Variants in HSD17B3 observed in about 807,000 individuals in gnomAD.
HSD17B3 encodes the protein 17-beta-hydroxysteroid dehydrogenase type 3.
Under a neutral mutation model 41.1 loss-of-function variants are expected in HSD17B3, and 29 were observed. The ratio of observed to expected loss-of-function variants is 0.71; its 90% CI spans 0.53 to 0.96. HSD17B3 has a LOEUF of 0.96. HSD17B3 is among the 40% of genes least tolerant of loss of function. HSD17B3 has a pLI of 0.00. For synonymous variants in HSD17B3, 126 were observed against 145.6 expected (o/e 0.87, Z 0.97); for missense variants, 323 against 374.6 (o/e 0.86, Z 1.14).
At position 96,265,951 on chromosome 9, in the gene HSD17B3, TA is replaced by T. The variant is rs532445492; in HGVS notation, c.202-11009del. On this transcript the variant is annotated intron_variant, in intron 2 of 10. Coordinates refer to ENST00000375263, the MANE Select transcript of HSD17B3 (RefSeq NM_000197.2). ...CTAAGGGCCATGTCTAAACACAGAA[TA>T]GGGGCAGATGATGTTCCTTTGAAAG... Among the ~76,000 whole-genome samples, 29 of 152,260 alleles carry T rather than the reference TA, an allele frequency of 1.9e-4. 2 individuals are homozygous for T. The South Asian group carries it at 6.0e-3, about 32-fold the overall frequency.
Position 96,252,857 on chromosome 9 carries a change from C to T in HSD17B3, c.331G>A (p.Asp111Asn). The T allele has an allele frequency of 2.5e-6, 4 of 1,613,726 alleles. No individual in the cohort carries two copies. The highest frequency in any genetic ancestry group is 3.4e-6 in the Non-Finnish European group (4 of 1,179,678). Residue 111 changes from aspartate (D) to asparagine (N), a missense_variant, in exon 4 of 11, where the codon GAC becomes AAC. Coordinates refer to ENST00000375263, the MANE Select transcript of HSD17B3 (RefSeq NM_000197.2). ...TTTTCTTTAATATGCTCGTAGATGTCATCTTTTGTAAAATCTGCTTGTATA... is the reference window on the plus strand; with the variant it reads ...TTTTCTTTAATATGCTCGTAGATGTTATCTTTTGTAAAATCTGCTTGTATA... Reference protein sequence around the residue: ...KIIQADFTKDDIYEHIKEKLA... With the variant: ...KIIQADFTKDNIYEHIKEKLA...
rs1465743116 is a variant in HSD17B3, at chr9:96,244,471, G to C, written c.607-77C>G. 4.5e-6 allele frequency: 6 copies of C among 1,341,006 alleles called. No homozygotes were observed. In the Admixed American group the frequency reaches 5.0e-5, roughly 11 times the overall value. The allele number at this position is 1,341,006 out of a possible 1,614,324, so 83.1% of individuals were successfully genotyped here. ...GAGCCAACTTCCTCTGACTTCAAGGGGCACTGCAGACACACTACCTGCTAG... is the reference window on the plus strand; with the variant it reads ...GAGCCAACTTCCTCTGACTTCAAGGCGCACTGCAGACACACTACCTGCTAG... On this transcript the variant is annotated intron_variant, in intron 8 of 10. Coordinates refer to ENST00000375263, the MANE Select transcript of HSD17B3 (RefSeq NM_000197.2).
chr9:96,246,932 C>T (rs1159029915), intron 6 of HSD17B3, among the ~76,000 whole-genome samples: 1 of 152,152 alleles, frequency 6.6e-6, no homozygotes, highest in Non-Finnish European at 1.5e-5. Context: ...ACTCTTCATT[C>T]TGTGGGACAG....
At chr9:96,260,860 A>G (rs1408098397) in intron 2 of HSD17B3, among the ~76,000 whole-genome samples, 1 of 152,168 alleles carries the variant, frequency 6.6e-6, no homozygotes, top group Non-Finnish European at 1.5e-5. Context: ...CTGCTGCCAA[A>G]CTGTGACTCC....
In HSD17B3 at chr9:96,254,507, T is replaced by C. The variant is rs74918947; in HGVS notation, c.277+361A>G. Reference sequence around the variant, plus strand: ...GCTGTGATTGATCCATGAAATAGTATAGTTAGTTGAGAATTGACTCTCTTT... The same window carrying C: ...GCTGTGATTGATCCATGAAATAGTACAGTTAGTTGAGAATTGACTCTCTTT... On this transcript the variant is annotated intron_variant, in intron 3 of 10. Transcript: ENST00000375263. Among the ~76,000 whole-genome samples the C allele has an allele frequency of 7.8e-4, 119 of 152,344 alleles. 1 individual carries two copies. In the East Asian group the frequency reaches 0.022, roughly 28 times the overall value.
intron 4 of HSD17B3, 49 bp from the exon 5 acceptor site, chr9:96,251,534 A>AT (rs768422028): frequency 1.3e-6 from 2 of 1,508,304 alleles, no homozygotes; most frequent in South Asian, 1.1e-5. Context: ...CAGGTGGGAG[A>AT]TTTTCCCAAA....
intron 2 of HSD17B3, among the ~76,000 whole-genome samples, chr9:96,260,940 C>A (rs1056555731): frequency 6.6e-6 from 1 of 152,124 alleles, no homozygotes; most frequent in African/African-American, 2.4e-5. Context: ...AGAGGGCTCG[C>A]AGTAGTCCCT....
chr9:96,293,675 G>A (rs549407371), intron 2 of HSD17B3, among the ~76,000 whole-genome samples: 1 of 151,670 alleles, frequency 6.6e-6, no homozygotes, highest in East Asian at 1.9e-4. Flanking sequence ...GTGTGTGTGT[G>A]TGTGACACAC....
chr9:96,283,296 C>A (rs370541937), intron 2 of HSD17B3, among the ~76,000 whole-genome samples: 2 of 152,120 alleles, frequency 1.3e-5, no homozygotes, highest in African/African-American at 2.4e-5. Context: ...TGAGCCACTG[C>A]GCCCAGCCAT....
chr9:96,285,181 C>T (rs1016711887), intron 2 of HSD17B3, among the ~76,000 whole-genome samples: 4 of 152,078 alleles, frequency 2.6e-5, no homozygotes, highest in African/African-American at 7.2e-5. Context: ...AATAATTATT[C>T]TTGCTGTACT....
chr9:96,251,436 G>A lies in HSD17B3; in HGVS notation c.435C>T (p.Asn145=), dbSNP rs115684579. Residue 145 remains asparagine (N), a synonymous_variant, in exon 5 of 11, where the codon AAC becomes AAT. Coordinates refer to ENST00000375263, the MANE Select transcript of HSD17B3 (RefSeq NM_000197.2). The part of the protein sequence containing the change: ...LPNLLPSHFL[N]APDEIQSLIH... ...AGTCTACCTGGATTTCATCCGGTGC[G>A]TTCAGGAAATGGCTTGGGAGAAGGT... 1.2e-4 allele frequency: 197 copies of A among 1,614,050 alleles called. No individual in the cohort carries two copies. The highest frequency in any genetic ancestry group is 1.4e-4 in the Non-Finnish European group (165 of 1,179,894).
intron 5 of HSD17B3, among the ~76,000 whole-genome samples, chr9:96,250,712 C>A (rs1409918894): frequency 2.0e-5 from 3 of 151,898 alleles, no homozygotes; most frequent in Non-Finnish European, 1.5e-5. Context: ...CATAGTGAAA[C>A]CCCCGTCTCT....
intron 2 of HSD17B3, among the ~76,000 whole-genome samples, chr9:96,286,071 C>G (rs140604443): frequency 1.1e-3 from 162 of 152,308 alleles, no homozygotes; most frequent in Non-Finnish European, 1.4e-3. Flanking sequence ...GGGCCAGGTG[C>G]AGTGGCTCAT....
intron 4 of HSD17B3, among the ~76,000 whole-genome samples, chr9:96,251,885 C>G (rs747683151): frequency 1.6e-4 from 24 of 152,268 alleles, no homozygotes; most frequent in Non-Finnish European, 2.6e-4. Flanking sequence ...ATTTTATTAG[C>G]CTGTCTATTC....
chr9:96,263,891 T>C (rs1346978381), intron 2 of HSD17B3, among the ~76,000 whole-genome samples: 1 of 152,188 alleles, frequency 6.6e-6, no homozygotes, highest in East Asian at 1.9e-4. Context: ...AAGGGATCTA[T>C]TGTACACCAT....
intron 1 of HSD17B3, 80 bp from the exon 2 acceptor site, chr9:96,298,542 G>A (rs1827451429): frequency 8.1e-7 from 1 of 1,240,654 alleles, no homozygotes; most frequent in Non-Finnish European, 1.2e-6. Flanking sequence ...TTTCTCACAA[G>A]CCTAGTCTCC....
At chr9:96,253,298 C>A (rs564679333) in intron 3 of HSD17B3, among the ~76,000 whole-genome samples, 3 of 152,270 alleles carry the variant, frequency 2.0e-5, no homozygotes, top group African/African-American at 7.2e-5. Flanking sequence ...CTGCTTAACA[C>A]ACCTCCGAGG....
chr9:96,272,446 T>TAA lies in HSD17B3; in HGVS notation c.202-17505_202-17504dup, dbSNP rs1554699341. On this transcript the variant is annotated intron_variant, in intron 2 of 10. Coordinates refer to ENST00000375263, the MANE Select transcript of HSD17B3 (RefSeq NM_000197.2). ...ATATATATATATATATATATATATATAAAATATATATGAATATAATATATA... is the reference window on the plus strand; with the variant it reads ...ATATATATATATATATATATATATATAAAAAATATATATGAATATAATATATA... 5.7e-3 allele frequency among the ~76,000 whole-genome samples: 485 copies of TAA among 85,680 alleles called. 20 individuals are homozygous for TAA. Among genetic ancestry groups the TAA allele is most frequent in the East Asian group, 0.021 (44 of 2,136 alleles). 56.2% of individuals were successfully genotyped at this position (85,680 alleles called of 152,430 possible). A position where few individuals can be genotyped will look rare whatever the true frequency, so the allele number is the denominator to read the frequency against.
rs185047449 is a variant in HSD17B3 at position 96,250,126 on chromosome 9, G to A, written c.454-340C>T. 3.6e-5 allele frequency: 47 copies of A among 1,290,974 alleles called. No individual in the cohort carries two copies. In the African/African-American group the frequency reaches 6.0e-4, roughly 17 times the overall value. The allele number at this position is 1,290,974 out of a possible 1,614,324, so 80.0% of individuals were successfully genotyped here. On this transcript the variant is annotated intron_variant, in intron 5 of 10. Coordinates refer to ENST00000375263, the MANE Select transcript of HSD17B3 (RefSeq NM_000197.2). ...GCTGGAGGAAGAGGGGTTAGCCTAT[G>A]TGAGTCCAGGAGAACAGAAAGACAA...
Sources: gnomAD v4.1 joint callset for allele counts (sites outside exome capture counted in the v4.1 genomes callset) on GRCh38, gnomAD v4.1.1 for gene constraint, MANE v1.5 for transcripts, NCBI Gene and HGNC (gene_info 2026-07-23, HGNC 2026-07-21) for gene names.